Variants in CSMD1 observed in about 807,000 individuals in gnomAD.
CSMD1 encodes the protein CUB and Sushi multiple domains 1.
In CSMD1, 213 loss-of-function variants were observed where a neutral mutation model predicts 417.5. The observed-to-expected ratio is 0.51, with a 90% confidence interval of 0.46 to 0.57. The LOEUF is 0.57. CSMD1 is among the 20% of genes least tolerant of loss of function. The pLI is 0.00. For missense variants in CSMD1, 6,923 were observed against 4,529.7 expected (o/e 1.53, Z -15.17); for synonymous variants, 2,862 against 1,736.8 (o/e 1.65, Z -16.11).
chr8:4,694,756 A>G (rs1267057256), intron 1 of CSMD1, among the ~76,000 whole-genome samples: 2 of 152,156 alleles, frequency 1.3e-5, no homozygotes, highest in African/African-American at 4.8e-5. Flanking sequence ...ACATGTCATC[A>G]GGACTTCCTG....
chr8:4,287,451 G>C (rs188612511), intron 3 of CSMD1, among the ~76,000 whole-genome samples: 8 of 152,048 alleles, frequency 5.3e-5, no homozygotes, highest in Admixed American at 3.9e-4. Context: ...CCAATATTGA[G>C]TAATATTAGA....
In CSMD1 at chr8:4,038,074, G is replaced by C. The variant is rs143292483; in HGVS notation, c.416-5975C>G. ...TAAAATTAATTCAAAAAGTTTGGAA[G>C]TAAAATAACTCAGCAAATGGGAAAA... On this transcript the variant is annotated intron_variant, in intron 3 of 69. Coordinates refer to ENST00000635120, the MANE Select transcript of CSMD1 (RefSeq NM_033225.6). Among the ~76,000 whole-genome samples, 7 of 152,162 alleles carry C rather than the reference G, an allele frequency of 4.6e-5. No homozygotes were observed. The East Asian group carries it at 1.4e-3, about 29-fold the overall frequency.
chr8:3,778,667 G>C (rs1799020466), intron 5 of CSMD1, among the ~76,000 whole-genome samples: 1 of 152,212 alleles, frequency 6.6e-6, no homozygotes, highest in Non-Finnish European at 1.5e-5. Flanking sequence ...TTCTGGACCA[G>C]AGCTTCCTGC....
chr8:3,905,951 A>G (rs949069574), intron 5 of CSMD1, among the ~76,000 whole-genome samples: 9 of 152,178 alleles, frequency 5.9e-5, no homozygotes, highest in African/African-American at 2.2e-4. Context: ...CCCCTCAACC[A>G]TACCTTTTGA....
At chr8:3,558,291 A>C (rs556646433) in intron 10 of CSMD1, among the ~76,000 whole-genome samples, 1 of 141,282 alleles carries the variant, frequency 7.1e-6, no homozygotes, top group South Asian at 2.4e-4. Flanking sequence ...TGGTGCCTCA[A>C]TGGAACTCCG....
At chr8:4,774,980 A>G (rs1796776061) in intron 1 of CSMD1, among the ~76,000 whole-genome samples, 1 of 152,168 alleles carries the variant, frequency 6.6e-6, no homozygotes, top group African/African-American at 2.4e-5. Flanking sequence ...TTGTTTACAA[A>G]TTACCCAGCC....
intron 1 of CSMD1, among the ~76,000 whole-genome samples, chr8:4,882,582 A>T (rs901372660): frequency 6.6e-6 from 1 of 151,836 alleles, no homozygotes; most frequent in African/African-American, 2.4e-5. Flanking sequence ...AAGAACATTC[A>T]ACCCCAAGCA....
chr8:4,177,052 A>G (rs1190605404), intron 3 of CSMD1, among the ~76,000 whole-genome samples: 1 of 152,162 alleles, frequency 6.6e-6, no homozygotes, highest in Non-Finnish European at 1.5e-5. Context: ...ATATCCAGGA[A>G]TTGAACTCAT....
At chr8:3,459,700 G>A (rs549938043) in intron 12 of CSMD1, among the ~76,000 whole-genome samples, 1 of 152,144 alleles carries the variant, frequency 6.6e-6, no homozygotes, top group African/African-American at 2.4e-5. Context: ...TCAGGAATTG[G>A]GTTCCGAAAG....
intron 4 of CSMD1, among the ~76,000 whole-genome samples, chr8:4,020,471 C>G (rs1355035371): frequency 2.0e-5 from 3 of 152,174 alleles, no homozygotes; most frequent in Non-Finnish European, 4.4e-5. Context: ...GGTTATGTGA[C>G]CGCTAGGGTC....
chr8:3,337,290 T>C (rs750853329), intron 23 of CSMD1, among the ~76,000 whole-genome samples: 3 of 152,222 alleles, frequency 2.0e-5, no homozygotes, highest in Admixed American at 1.3e-4. Flanking sequence ...TAAATTGCTT[T>C]TATTATTCAT....
At chr8:3,174,503 C>A (rs1380511453) in intron 37 of CSMD1, among the ~76,000 whole-genome samples, 1 of 152,000 alleles carries the variant, frequency 6.6e-6, no homozygotes. Flanking sequence ...AAAAAACAAA[C>A]AATAAACAAA....
intron 41 of CSMD1, among the ~76,000 whole-genome samples, chr8:3,140,903 A>G (rs1175846685): frequency 6.6e-6 from 1 of 152,224 alleles, no homozygotes; most frequent in Admixed American, 6.5e-5. Flanking sequence ...TGAAGGAATA[A>G]AAAGGATAAA....
chr8:3,853,729 G>T (rs1383782267), intron 5 of CSMD1, among the ~76,000 whole-genome samples: 2 of 151,836 alleles, frequency 1.3e-5, no homozygotes, highest in Non-Finnish European at 2.9e-5. Flanking sequence ...CGGGGTGGGG[G>T]GAGCAGGGAA....
intron 21 of CSMD1, 35 bp downstream of exon 21, chr8:3,359,117 A>G: frequency 1.2e-6 from 2 of 1,606,468 alleles, no homozygotes; most frequent in East Asian, 2.2e-5. Context: ...CCCTGCCCCC[A>G]TGGATGAATG....
At chr8:4,566,362 AAATTTAGTT>A (rs1798606088) in intron 2 of CSMD1, among the ~76,000 whole-genome samples, 1 of 152,164 alleles carries the variant, frequency 6.6e-6, no homozygotes, top group African/African-American at 2.4e-5. Context: ...GGTTTATAAG[AAATTTAGTT>A]GGCCGGGCGT....
intron 1 of CSMD1, among the ~76,000 whole-genome samples, chr8:4,982,598 T>C (rs888460899): frequency 6.6e-6 from 1 of 152,216 alleles, no homozygotes; most frequent in Admixed American, 6.5e-5. Context: ...GGTTCTATTC[T>C]TAAAATATAA....
rs557306693 is a variant in CSMD1 at position 3,616,681 on chromosome 8, C to A, written c.1097+29G>T. On this transcript the variant is annotated intron_variant, in intron 8 of 69. Transcript: ENST00000635120. ...TAATATATGTCTTAAAAATAACATG[C>A]TTTTTTCCACCACTATTGTATCTCT... 6 of 1,390,986 alleles carry A rather than the reference C, an allele frequency of 4.3e-6. No homozygotes were observed. The African/African-American group carries it at 8.5e-5, about 20-fold the overall frequency. 86.2% of individuals were successfully genotyped at this position (1,390,986 alleles called of 1,614,324 possible).
chr8:4,746,647 G>T (rs774100816), intron 1 of CSMD1, among the ~76,000 whole-genome samples: 57 of 152,108 alleles, frequency 3.7e-4, no homozygotes, highest in South Asian at 8.3e-4. Context: ...TCCAACCTGG[G>T]CAGCACAAAC....
Sources: gnomAD v4.1 joint callset for allele counts (sites outside exome capture counted in the v4.1 genomes callset) on GRCh38, gnomAD v4.1.1 for gene constraint, MANE v1.5 for transcripts, NCBI Gene and HGNC (gene_info 2026-07-23, HGNC 2026-07-21) for gene names.